The following MIS18A variants were observed in gnomAD, a reference collection of about 807,000 sequenced individuals.
MIS18A encodes protein Mis18-alpha.
Under a neutral mutation model 25.0 loss-of-function variants are expected in MIS18A, and 14 were observed. That is an observed-to-expected ratio of 0.56 (90% CI 0.37 to 0.88). MIS18A has a LOEUF of 0.88. Among genes scored for constraint, MIS18A ranks in the 40% least tolerant of loss-of-function variants. The probability of loss-of-function intolerance (pLI) is 0.00; values close to 1 mark genes in which losing one functional copy is unlikely to be tolerated. For synonymous variants in MIS18A, 134 were observed against 118.6 expected (o/e 1.13, Z -0.84); for missense variants, 292 against 290.8 (o/e 1.00, Z -0.03).
At chr21:32,183,953 G>T in the MIS18A span, among the ~76,000 whole-genome samples, 1 of 152,198 alleles carries the variant, frequency 6.6e-6, no homozygotes, top group Non-Finnish European at 1.5e-5. Flanking sequence ...CCTTAAAGGG[G>T]CTGTATTTAA....
chr21:32,255,392 G>A, the MIS18A span, among the ~76,000 whole-genome samples: 2 of 151,654 alleles, frequency 1.3e-5, no homozygotes, highest in Admixed American at 6.6e-5. Context: ...CACAATGCCC[G>A]GCTAATTTTT....
the MIS18A span, among the ~76,000 whole-genome samples, chr21:32,205,322 T>C: frequency 1.3e-5 from 2 of 151,912 alleles, no homozygotes; most frequent in African/African-American, 2.4e-5. Flanking sequence ...GCCAGGGTGG[T>C]CTCAAACTCC....
At chr21:32,198,233 C>T in the MIS18A span, among the ~76,000 whole-genome samples, 1 of 152,130 alleles carries the variant, frequency 6.6e-6, no homozygotes, top group Admixed American at 6.5e-5. Context: ...TGGGAAGGGG[C>T]AGTTTTGCCA....
chr21:32,157,223 A>ATTTTTTTTTTTT, the MIS18A span, among the ~76,000 whole-genome samples: 2,146 of 71,820 alleles, frequency 0.03, 233 homozygotes, highest in East Asian at 0.089. Flanking sequence ...TACCCGGCTA[A>ATTTTTTTTTTTT]TTTTTTTTTT....
the MIS18A span, among the ~76,000 whole-genome samples, chr21:32,201,287 G>A: frequency 2.6e-5 from 4 of 150,950 alleles, no homozygotes; most frequent in Admixed American, 2.0e-4. Context: ...CATCGGAGCC[G>A]ACCCCGAGAC....
the MIS18A span, among the ~76,000 whole-genome samples, chr21:32,241,093 G>A: frequency 5.9e-5 from 9 of 152,124 alleles, no homozygotes; most frequent in East Asian, 9.6e-4. Context: ...GGCTTTCAGC[G>A]TTTCTAGAGA....
At chr21:32,168,815 A>G in the MIS18A span, among the ~76,000 whole-genome samples, 4 of 152,342 alleles carry the variant, frequency 2.6e-5, 1 homozygote, top group African/African-American at 9.6e-5. Context: ...GGAAAAAAGG[A>G]AAATAAGAAA....
At chr21:32,256,742 G>C in the MIS18A span, among the ~76,000 whole-genome samples, 4 of 152,200 alleles carry the variant, frequency 2.6e-5, no homozygotes, top group Non-Finnish European at 4.4e-5. Context: ...TCTTGTTCCT[G>C]TGAGAATTCT....
chr21:32,201,634 A>AAT, the MIS18A span, among the ~76,000 whole-genome samples: 2 of 152,066 alleles, frequency 1.3e-5, no homozygotes, highest in South Asian at 4.1e-4. Flanking sequence ...CAGCCTGAGC[A>AAT]ATATAGTGAG....
Position 32,272,063 on chromosome 21 carries a change from G to A in MIS18A, c.402-1534C>T, listed in dbSNP as rs148451085. Among the ~76,000 whole-genome samples, 3 of 152,376 alleles carry A rather than the reference G, an allele frequency of 2.0e-5. No individual in the cohort carries two copies. The East Asian group carries it at 5.8e-4, about 29-fold the overall frequency. ...CACACTTCTAGAATCATCTTGTGGA[G>A]CAATGAAGAGATGGTAGCTAGTATT... On this transcript the variant is annotated intron_variant, in intron 2 of 4. Coordinates refer to ENST00000290130, the MANE Select transcript of MIS18A (RefSeq NM_018944.3).
chr21:32,231,927 A>T, the MIS18A span, among the ~76,000 whole-genome samples: 1 of 152,092 alleles, frequency 6.6e-6, no homozygotes, highest in Non-Finnish European at 1.5e-5. Flanking sequence ...AAAACAAAAC[A>T]AAACAAAAAA....
At chr21:32,181,996 A>T in the MIS18A span, among the ~76,000 whole-genome samples, 1 of 152,254 alleles carries the variant, frequency 6.6e-6, no homozygotes, top group African/African-American at 2.4e-5. Context: ...CATGAAAATA[A>T]ATGGGATAAT....
the MIS18A span, among the ~76,000 whole-genome samples, chr21:32,224,478 C>T: frequency 4.6e-5 from 7 of 150,590 alleles, no homozygotes; most frequent in Admixed American, 4.6e-4. Context: ...TTCTTATACA[C>T]CAGCAACAGA....
the MIS18A span, among the ~76,000 whole-genome samples, chr21:32,237,018 C>T: frequency 6.6e-6 from 1 of 152,026 alleles, no homozygotes; most frequent in Non-Finnish European, 1.5e-5. Context: ...TATTACTGTT[C>T]CCCCAAATTC....
the MIS18A span, among the ~76,000 whole-genome samples, chr21:32,257,996 A>C: frequency 6.6e-6 from 1 of 152,144 alleles, no homozygotes; most frequent in Non-Finnish European, 1.5e-5. Flanking sequence ...AATCTTTCCA[A>C]AGGAATCTAT....
the MIS18A span, among the ~76,000 whole-genome samples, chr21:32,254,266 G>A: frequency 8.6e-5 from 13 of 151,918 alleles, no homozygotes; most frequent in Non-Finnish European, 4.4e-5. Context: ...TTGGCCAGGC[G>A]TGGTGGCTCA....
the MIS18A span, among the ~76,000 whole-genome samples, chr21:32,160,976 A>G: frequency 1.3e-5 from 2 of 152,194 alleles, no homozygotes; most frequent in Admixed American, 1.3e-4. Flanking sequence ...AAAAGAGGCA[A>G]TCAGATACAC....
chr21:32,269,634 T>G (rs2031675622), intron 4 of MIS18A, 73 bp downstream of exon 4: 1 of 849,376 alleles, frequency 1.2e-6, no homozygotes, highest in Admixed American at 2.2e-5. Flanking sequence ...ATGAGAATTA[T>G]CGTTTGTGGG....
At chr21:32,254,163 G>A in the MIS18A span, among the ~76,000 whole-genome samples, 19 of 152,174 alleles carry the variant, frequency 1.2e-4, no homozygotes, top group African/African-American at 3.9e-4. Context: ...CCTGGGAGGC[G>A]GAGGTTGCAG....
Sources: allele counts gnomAD v4.1 joint callset (sites outside exome capture counted in the v4.1 genomes callset), GRCh38; gene constraint gnomAD v4.1.1; transcripts MANE v1.5; gene names NCBI Gene and HGNC (gene_info 2026-07-23, HGNC 2026-07-21).